Variants in TUT4 observed in about 807,000 individuals in gnomAD.
TUT4 encodes the protein terminal uridylyl transferase 4.
In TUT4, 36 loss-of-function variants were observed where a neutral mutation model predicts 192.2. The observed-to-expected ratio is 0.19, with a 90% CI of 0.14 to 0.25. The LOEUF (loss-of-function observed/expected upper bound fraction) is 0.25, where lower values mean the gene tolerates loss of function less well. TUT4 is among the 10% of genes least tolerant of loss of function. The pLI, the probability that TUT4 is intolerant of heterozygous loss-of-function variation, is 1.00. For synonymous variants in TUT4, 618 were observed against 666.0 expected (o/e 0.93, Z 1.11); for missense variants, 1,493 against 1,957.2 (o/e 0.76, Z 4.47).
At chr1:52,552,294 C>A (rs1689642499) in intron 1 of TUT4, among the ~76,000 whole-genome samples, 1 of 152,142 alleles carries the variant, frequency 6.6e-6, no homozygotes, top group Admixed American at 6.6e-5. Context: ...ACTAGGAGAG[C>A]GCTATCTGTT....
intron 1 of TUT4, among the ~76,000 whole-genome samples, chr1:52,539,337 T>A (rs1309199035): frequency 1.3e-5 from 2 of 152,022 alleles, no homozygotes; most frequent in East Asian, 3.9e-4. Context: ...ATGTCAGGAA[T>A]TACACCAAAG....
intron 15 of TUT4, among the ~76,000 whole-genome samples, chr1:52,466,682 A>ATATATATTTTTT (rs372853314): frequency 2.3e-4 from 29 of 123,816 alleles, no homozygotes; most frequent in African/African-American, 8.8e-4. Context: ...ATATATATAT[A>ATATATATTTTTT]TTTTTGAGAC....
chr1:52,440,461 CAA>C (rs1202753459), intron 24 of TUT4, among the ~76,000 whole-genome samples: 3 of 126,860 alleles, frequency 2.4e-5, no homozygotes, highest in African/African-American at 6.0e-5. Flanking sequence ...TTTTTAAAGA[CAA>C]GAGATACAAT....
At chr1:52,458,237 G>A in intron 20 of TUT4, 99 bp downstream of exon 20, 3 of 734,598 alleles carry the variant, frequency 4.1e-6, no homozygotes, top group Non-Finnish European at 6.5e-6. Flanking sequence ...CAACCATGAT[G>A]GAAAAATCCT....
intron 9 of TUT4, among the ~76,000 whole-genome samples, chr1:52,484,025 G>C (rs891300541): frequency 6.6e-6 from 1 of 151,448 alleles, no homozygotes; most frequent in South Asian, 2.1e-4. Context: ...AGGTGCAAAG[G>C]CCTTGCCTCT....
At chr1:52,485,327 A>G (rs149543667) in intron 9 of TUT4, among the ~76,000 whole-genome samples, 9 of 152,182 alleles carry the variant, frequency 5.9e-5, no homozygotes, top group Non-Finnish European at 1.2e-4. Flanking sequence ...TCTTGTATTT[A>G]GTTATCTTAC....
intron 24 of TUT4, among the ~76,000 whole-genome samples, chr1:52,442,167 CA>C (rs58552556): frequency 1.7e-3 from 126 of 76,326 alleles, no homozygotes; most frequent in South Asian, 3.1e-3. Context: ...GACTCCACCT[CA>C]AAAAAAAAAA....
At chr1:52,496,226 T>A (rs764570105) in intron 5 of TUT4, among the ~76,000 whole-genome samples, 1 of 152,156 alleles carries the variant, frequency 6.6e-6, no homozygotes, top group Non-Finnish European at 1.5e-5. Flanking sequence ...TTCAAGTTCA[T>A]AAAATGTCTG....
chr1:52,476,990 T>C (rs980234510), intron 12 of TUT4, among the ~76,000 whole-genome samples: 1 of 152,222 alleles, frequency 6.6e-6, no homozygotes, highest in Middle Eastern at 3.2e-3. Context: ...ATGTGAAACT[T>C]TGTCAACATC....
chr1:52,455,510 G>C (rs1660630732), intron 20 of TUT4, among the ~76,000 whole-genome samples: 1 of 150,306 alleles, frequency 6.7e-6, no homozygotes, highest in African/African-American at 2.5e-5. Flanking sequence ...TCAGGAGGCT[G>C]AGGTGGGAGA....
At chr1:52,526,480 G>T (rs796803602) in intron 1 of TUT4, 107 bp from the exon 2 acceptor site, 29 of 278,358 alleles carry the variant, frequency 1.0e-4, no homozygotes, top group South Asian at 3.2e-4. Context: ...AAAAACTGAA[G>T]AAATTGTTAA....
At chr1:52,458,796 A>T (rs558629371) in intron 19 of TUT4, among the ~76,000 whole-genome samples, 1 of 152,330 alleles carries the variant, frequency 6.6e-6, no homozygotes, top group East Asian at 1.9e-4. Context: ...ACAATATCAC[A>T]ATTACAAAAG....
At chr1:52,439,342 A>G (rs1426869530) in intron 24 of TUT4, among the ~76,000 whole-genome samples, 2 of 152,262 alleles carry the variant, frequency 1.3e-5, no homozygotes, top group Non-Finnish European at 2.9e-5. Context: ...TGTATTATGT[A>G]AAGAGGAACA....
intron 24 of TUT4, among the ~76,000 whole-genome samples, chr1:52,445,567 T>C (rs977586909): frequency 2.2e-4 from 33 of 152,198 alleles, no homozygotes; most frequent in African/African-American, 8.0e-4. Flanking sequence ...TCGTGGGGCT[T>C]ATAGTCTAGT....
chr1:52,448,358 C>T lies in TUT4; in HGVS notation c.3436-1691G>A, dbSNP rs534580850. On this transcript the variant is annotated intron_variant, in intron 20 of 29. Transcript: ENST00000257177. ...ATCCCAGCACTTTGGGAGGCCGAGGCAGGCGGATCACCTGAGGTCAGGAGT... is the reference window on the plus strand; with the variant it reads ...ATCCCAGCACTTTGGGAGGCCGAGGTAGGCGGATCACCTGAGGTCAGGAGT... 2.0e-5 allele frequency among the ~76,000 whole-genome samples: 3 copies of T among 152,174 alleles called. No homozygotes were observed. The East Asian group carries it at 5.8e-4, about 29-fold the overall frequency.
chr1:52,520,070 G>A (rs1449119748), intron 2 of TUT4, among the ~76,000 whole-genome samples: 1 of 152,074 alleles, frequency 6.6e-6, no homozygotes, highest in African/African-American at 2.4e-5. Context: ...GGACATTTGG[G>A]GAATGAGTGT....
chr1:52,441,276 A>G (rs1044338709), intron 24 of TUT4, among the ~76,000 whole-genome samples: 3 of 148,250 alleles, frequency 2.0e-5, no homozygotes, highest in Non-Finnish European at 3.0e-5. Flanking sequence ...AGTGCAGGGC[A>G]TATGGCTTTT....
At chr1:52,427,596 T>C (rs759598245) in intron 28 of TUT4, among the ~76,000 whole-genome samples, 1 of 152,214 alleles carries the variant, frequency 6.6e-6, no homozygotes, top group East Asian at 1.9e-4. Context: ...TTGAATGATA[T>C]ATGAGAAGGA....
chr1:52,444,748 G>A (rs1332674957), intron 24 of TUT4, among the ~76,000 whole-genome samples: 2 of 150,994 alleles, frequency 1.3e-5, no homozygotes, highest in Admixed American at 6.7e-5. Flanking sequence ...TCTTTCTCCT[G>A]TGCTGAATGC....
Sources: gnomAD v4.1 joint callset for allele counts (sites outside exome capture counted in the v4.1 genomes callset) on GRCh38, gnomAD v4.1.1 for gene constraint, MANE v1.5 for transcripts, NCBI Gene and HGNC (gene_info 2026-07-23, HGNC 2026-07-21) for gene names.